GATA1: variants seen among roughly 807,000 people sequenced by gnomAD.
The protein encoded by GATA1 is erythroid transcription factor.
A neutral mutation model predicts 18.9 loss-of-function variants in GATA1; 2 were observed. The observed-to-expected ratio is 0.11, with a 90% CI of 0.04 to 0.33. The LOEUF is 0.33. Ranked by LOEUF, GATA1 falls within the 10% of genes least tolerant of loss-of-function variation. The pLI, the probability that GATA1 is intolerant of heterozygous loss-of-function variation, is 1.00. For synonymous variants in GATA1, 152 were observed against 149.1 expected (o/e 1.02, Z -0.14); for missense variants, 272 against 344.7 (o/e 0.79, Z 1.67).
chrX:48,793,353 T>C lies in GATA1; in HGVS notation c.870+56T>C, dbSNP rs2062680390. The C allele has an allele frequency of 4.4e-6, 5 of 1,149,244 alleles. No individual in the cohort carries two copies. In the Admixed American group the frequency reaches 1.1e-4, roughly 25 times the overall value. The allele number at this position is 1,149,244 out of a possible 1,213,427, so 94.7% of individuals were successfully genotyped here. ...TGCTTTCCCTGTCTTCATGCCACACTGCCCCCCACTCTGTTCCTGTTCTAC... is the reference window on the plus strand; with the variant it reads ...TGCTTTCCCTGTCTTCATGCCACACCGCCCCCCACTCTGTTCCTGTTCTAC... On this transcript the variant is annotated intron_variant, in intron 5 of 5. Transcript: ENST00000376670.
intron 1 of GATA1, among the ~76,000 whole-genome samples, chrX:48,790,006 G>A (rs1449038959): frequency 1.8e-5 from 2 of 109,331 alleles, no homozygotes; most frequent in Admixed American, 2.0e-4. Flanking sequence ...GAAAGGACGG[G>A]GGGACGGGGA....
In GATA1 at chrX:48,791,260, A is replaced by G; in HGVS notation, c.151A>G (p.Ser51Gly). ...TGCAGCAGCTTCCTCCACTGCCCCG[A>G]GCACAGCCACCGCTGCAGCTGCGGC... ...LDAAASSTAP[S>G]TATAAAAALA... The change falls in exon 2 of 6, where the codon AGC becomes GGC. Residue 51 changes from serine (S) to glycine (G), a missense_variant. By Grantham distance (56) the Ser-to-Gly change is moderately conservative. Transcript: ENST00000376670. 8.3e-7 allele frequency: 1 copy of G among 1,206,619 alleles called. No individual in the cohort carries two copies. Among genetic ancestry groups the G allele is most frequent in the Non-Finnish European group, 1.1e-6 (1 of 893,151 alleles).
chrX:48,788,861 C>G (rs782623356), intron 1 of GATA1, among the ~76,000 whole-genome samples: 9 of 110,385 alleles, frequency 8.2e-5, no homozygotes, highest in Non-Finnish European at 1.5e-4. Flanking sequence ...ACAGAGGGAA[C>G]AGACAAACAA....
At chrX:48,787,621 T>G (rs1404514889) in intron 1 of GATA1, among the ~76,000 whole-genome samples, 4 of 111,291 alleles carry the variant, frequency 3.6e-5, no homozygotes, top group Non-Finnish European at 5.7e-5. Flanking sequence ...CAACCTCGTC[T>G]GTTTTCACAA....
chrX:48,789,959 C>A (rs1318771019), intron 1 of GATA1, among the ~76,000 whole-genome samples: 2 of 109,286 alleles, frequency 1.8e-5, no homozygotes, highest in Non-Finnish European at 3.8e-5. Flanking sequence ...TGCATGCCAT[C>A]CCACCCTCAC....
Position 48,791,890 on chromosome X carries a change from G to A in GATA1, c.267G>A (p.Gly89=), listed in dbSNP as rs201336096. ...PLLNCMEGIP[G]GSPYAGWAYG... ...TCAACTGTATGGAGGGGATCCCAGGGGGCTCACCATATGCCGGCTGGGCCT... is the reference window on the plus strand; with the variant it reads ...TCAACTGTATGGAGGGGATCCCAGGAGGCTCACCATATGCCGGCTGGGCCT... Residue 89 remains glycine (G), a synonymous_variant, in exon 3 of 6, where the codon GGG becomes GGA. Transcript: ENST00000376670. 4 of 1,211,719 alleles carry A rather than the reference G, an allele frequency of 3.3e-6. No individual in the cohort carries two copies. In the African/African-American group the frequency reaches 5.2e-5, roughly 16 times the overall value.
intron 1 of GATA1, among the ~76,000 whole-genome samples, chrX:48,788,150 TGGA>T (rs2062663573): frequency 9.4e-6 from 1 of 106,079 alleles, no homozygotes; most frequent in Non-Finnish European, 2.0e-5. Flanking sequence ...GTGGGTAAGG[TGGA>T]GTTGAGGGGA....
At position 48,791,282 on chromosome X, in the gene GATA1, C is replaced by A; in HGVS notation, c.173C>A (p.Ala58Glu). The A allele has an allele frequency of 8.3e-7, 1 of 1,206,572 alleles. No homozygotes were observed. The highest frequency in any genetic ancestry group is 1.1e-6 in the Non-Finnish European group (1 of 893,029). Residue 58 changes from alanine (A) to glutamate (E), a missense_variant, in exon 2 of 6, where the codon GCG becomes GAG. By Grantham distance (107) the Ala-to-Glu change is moderately radical. This residue lies in a region of GATA1 where 147 missense variants were observed against 157.4 expected (regional missense o/e 0.93). Coordinates refer to ENST00000376670, the MANE Select transcript of GATA1 (RefSeq NM_002049.4). ...CCGAGCACAGCCACCGCTGCAGCTG[C>A]GGCACTGGCCTACTACAGGGACGCT... Reference protein sequence around the residue: ...TAPSTATAAAAALAYYRDAEA... With the variant: ...TAPSTATAAAEALAYYRDAEA...
In GATA1 at chrX:48,794,283, T is replaced by G; in HGVS notation, c.*119T>G. 3.4e-6 allele frequency: 3 copies of G among 891,792 alleles called. No individual in the cohort carries two copies. The highest frequency in any genetic ancestry group is 4.7e-6 in the Non-Finnish European group (3 of 642,826). The allele number at this position is 891,792 out of a possible 1,213,427, so 73.5% of individuals were successfully genotyped here. A position where few individuals can be genotyped will look rare whatever the true frequency, so the allele number is the denominator to read the frequency against. On this transcript the variant is annotated 3_prime_UTR_variant, in exon 6 of 6. Transcript: ENST00000376670. ...CCCTGGCTTGAACCTTCAAAGCTTTTGTAAAATAAAACCACCAAAGTCCTG... is the reference window on the plus strand; with the variant it reads ...CCCTGGCTTGAACCTTCAAAGCTTTGGTAAAATAAAACCACCAAAGTCCTG...
At position 48,791,154 on chromosome X, in the gene GATA1, C is replaced by T. The variant is rs1421780775; in HGVS notation, c.45C>T (p.Leu15=). 2 of 1,207,525 alleles carry T rather than the reference C, an allele frequency of 1.7e-6. No individual in the cohort carries two copies. The highest frequency in any genetic ancestry group is 5.9e-5 in the East Asian group (2 of 33,694). ...GGTCCCTGGGGACCTCAGAGCCCCT[C>T]CCCCAGTTTGTGGATCCTGCTCTGG... The part of the protein sequence containing the change: ...GLGSLGTSEP[L]PQFVDPALVS... Residue 15 remains leucine (L), a synonymous_variant, in exon 2 of 6, where the codon CTC becomes CTT. Transcript: ENST00000376670.
intron 1 of GATA1, among the ~76,000 whole-genome samples, chrX:48,789,250 T>A (rs1179113422): frequency 9.7e-6 from 1 of 102,871 alleles, no homozygotes; most frequent in Non-Finnish European, 2.0e-5. Flanking sequence ...GGGGTTGCAG[T>A]GAGCTGAGAT....
Position 48,791,268 on chromosome X carries a change from C to T in GATA1, c.159C>T (p.Ala53=). 4 of 1,207,226 alleles carry T rather than the reference C, an allele frequency of 3.3e-6. No homozygotes were observed. Among genetic ancestry groups the T allele is most frequent in the Non-Finnish European group, 4.5e-6 (4 of 893,362 alleles). The change falls in exon 2 of 6, where the codon GCC becomes GCT. Residue 53 remains alanine, a synonymous_variant. Coordinates refer to ENST00000376670, the MANE Select transcript of GATA1 (RefSeq NM_002049.4). ...CTTCCTCCACTGCCCCGAGCACAGCCACCGCTGCAGCTGCGGCACTGGCCT... is the reference window on the plus strand; with the variant it reads ...CTTCCTCCACTGCCCCGAGCACAGCTACCGCTGCAGCTGCGGCACTGGCCT... The part of the protein sequence containing the change: ...AAASSTAPST[A]TAAAAALAYY...
At chrX:48,792,925 TTCCGA>T (rs1557020388) in intron 4 of GATA1, among the ~76,000 whole-genome samples, 2 of 111,690 alleles carry the variant, frequency 1.8e-5, no homozygotes, top group Admixed American at 1.9e-4. Context: ...CCCCAAGTGA[TTCCGA>T]TACGCAGCCA....
At chrX:48,788,291 T>A (rs1392031077) in intron 1 of GATA1, among the ~76,000 whole-genome samples, 1 of 100,773 alleles carries the variant, frequency 9.9e-6, no homozygotes, top group Admixed American at 1.1e-4. Context: ...AAAAGAGACA[T>A]GAAGAGAAAG....
chrX:48,792,420 C>T lies in GATA1; in HGVS notation c.696C>T (p.His232=). Reference sequence around the variant, plus strand: ...TATGCAACGCCTGCGGCCTCTATCACAAGATGAATGGGCAGAACAGGCCCC... The same window carrying T: ...TATGCAACGCCTGCGGCCTCTATCATAAGATGAATGGGCAGAACAGGCCCC... ...HYLCNACGLY[H]KMNGQNRPLI... Residue 232 remains histidine, a synonymous_variant, in exon 4 of 6, where the codon CAC becomes CAT. Transcript: ENST00000376670. The T allele has an allele frequency of 8.3e-7, 1 of 1,212,042 alleles. No homozygotes were observed. The highest frequency in any genetic ancestry group is 1.1e-6 in the Non-Finnish European group (1 of 895,535).
chrX:48,793,356 C>G (rs2147307223), intron 5 of GATA1, 59 bp downstream of exon 5: 1 of 1,140,667 alleles, frequency 8.8e-7, no homozygotes. Flanking sequence ...GCCACACTGC[C>G]CCCCACTCTG....
At chrX:48,787,351 T>A (rs1472988317) in intron 1 of GATA1, among the ~76,000 whole-genome samples, 1 of 110,965 alleles carries the variant, frequency 9.0e-6, no homozygotes, top group Non-Finnish European at 1.9e-5. Flanking sequence ...CCAAACCGTA[T>A]CTCAGCCCTA....
intron 1 of GATA1, among the ~76,000 whole-genome samples, chrX:48,790,692 G>A (rs1462468643): frequency 3.0e-5 from 3 of 99,150 alleles, no homozygotes; most frequent in East Asian, 6.4e-4. Flanking sequence ...GAAGAGAGAC[G>A]GGAGAAAGAC....
chrX:48,792,324 G>A lies in GATA1; in HGVS notation c.600G>A (p.Glu200=), dbSNP rs781977639. The part of the protein sequence containing the change: ...LRGTLPLPPC[E]ARECVNCGAT... ...CTCTTCTCCTCTCCACCCCACCAGA[G>A]GCCAGGGAGTGTGTGAACTGCGGAG... Residue 200 remains glutamate, a splice_region_variant and synonymous_variant, in exon 4 of 6, where the codon GAG becomes GAA. Coordinates refer to ENST00000376670, the MANE Select transcript of GATA1 (RefSeq NM_002049.4). The A allele has an allele frequency of 8.3e-6, 10 of 1,211,938 alleles. No individual in the cohort carries two copies. In the South Asian group the frequency reaches 1.6e-4, roughly 19 times the overall value.
Sources: allele counts gnomAD v4.1 joint callset (sites outside exome capture counted in the v4.1 genomes callset), GRCh38; gene constraint gnomAD v4.1.1; regional missense constraint gnomAD v4.1.1; transcripts MANE v1.5; gene names NCBI Gene and HGNC (gene_info 2026-07-23, HGNC 2026-07-21).